The following SMARCAL1 variants were observed in gnomAD, a reference collection of about 807,000 sequenced individuals.
The protein encoded by SMARCAL1 is SNF2 related chromatin remodeling annealing helicase 1.
Under a neutral mutation model 94.5 loss-of-function variants are expected in SMARCAL1, and 58 were observed. The ratio of observed to expected loss-of-function variants is 0.61; its 90% CI spans 0.50 to 0.76. The LOEUF is 0.76. SMARCAL1 is among the 30% of genes least tolerant of loss of function. The pLI is 0.00. For missense variants in SMARCAL1, 1,051 were observed against 1,177.9 expected (o/e 0.89, Z 1.58); for synonymous variants, 422 against 455.1 (o/e 0.93, Z 0.93).
intron 9 of SMARCAL1, among the ~76,000 whole-genome samples, chr2:216,436,952 T>A (rs1434209067): frequency 6.6e-6 from 1 of 152,248 alleles, no homozygotes; most frequent in African/African-American, 2.4e-5. Context: ...GCCTTCAGAA[T>A]TCATGTTCTT....
At position 216,428,750 on chromosome 2, in the gene SMARCAL1, T is replaced by C; in HGVS notation, c.1302T>C (p.Ser434=). The C allele has an allele frequency of 6.2e-7, 1 of 1,614,206 alleles. No individual in the cohort carries two copies. The highest frequency in any genetic ancestry group is 8.5e-7 in the Non-Finnish European group (1 of 1,180,034). The change falls in exon 7 of 18, where the codon TCT becomes TCC. Residue 434 remains serine, a synonymous_variant. Transcript: ENST00000357276. ...CTGAAGTGGACCCCAAGCTCGTGTC[T>C]AATCTGATGCCCTTTCAGAGAGCTG... is the stretch of plus-strand genomic sequence containing the variant. ...DLSEVDPKLV[S]NLMPFQRAGV... is the part of the protein sequence containing the mutation.
intron 13 of SMARCAL1, among the ~76,000 whole-genome samples, chr2:216,465,093 G>A (rs1694804301): frequency 6.6e-6 from 1 of 152,208 alleles, no homozygotes; most frequent in South Asian, 2.1e-4. Flanking sequence ...AGGCTGCAGT[G>A]AGCTAAGGTG....
intron 6 of SMARCAL1, 113 bp downstream of exon 6, chr2:216,423,796 G>C (rs1693774907): frequency 2.1e-6 from 2 of 943,178 alleles, no homozygotes; most frequent in Admixed American, 3.7e-5. Flanking sequence ...GTGGTGGGAT[G>C]CTTGAGTACA....
intron 12 of SMARCAL1, among the ~76,000 whole-genome samples, chr2:216,462,964 G>A (rs141196257): frequency 0.01 from 1,544 of 152,250 alleles, 13 homozygotes; most frequent in Non-Finnish European, 0.015. Context: ...CTGGGTGACA[G>A]AGCATGACCC....
chr2:216,412,858 G>A (rs887860631), intron 1 of SMARCAL1: 1 of 152,500 alleles, frequency 6.6e-6, no homozygotes, highest in Admixed American at 6.5e-5. Flanking sequence ...CCTGCCTAGA[G>A]GGGAAGAGGG....
At chr2:216,446,929 C>A in intron 10 of SMARCAL1, 89 bp from the exon 11 acceptor site, 1 of 1,515,718 alleles carries the variant, frequency 6.6e-7, no homozygotes. Context: ...TTTCTGGGGG[C>A]ATCCAGCTCC....
Position 216,412,543 on chromosome 2 carries a change from T to G in SMARCAL1, c.-201T>G, listed in dbSNP as rs1406707078. 6.6e-6 allele frequency: 1 copy of G among 152,340 alleles called. No homozygotes were observed. The highest frequency in any genetic ancestry group is 1.5e-5 in the Non-Finnish European group (1 of 68,134). The allele number at this position is 152,340 out of a possible 1,614,324, so 9.4% of individuals were successfully genotyped here. ...CGAACTCGCAGCGCTTGAATACCCG[T>G]GGCCTAACCGTCCACTCGGAAGACC... On this transcript the variant is annotated 5_prime_UTR_variant, in exon 1 of 18. Coordinates refer to ENST00000357276, the MANE Select transcript of SMARCAL1 (RefSeq NM_014140.4).
intron 12 of SMARCAL1, among the ~76,000 whole-genome samples, chr2:216,460,164 A>T (rs1328021232): frequency 6.6e-6 from 1 of 152,218 alleles, no homozygotes; most frequent in Non-Finnish European, 1.5e-5. Context: ...TAGAATGGCG[A>T]TCATTAAAAA....
At position 216,450,854 on chromosome 2, in the gene SMARCAL1, G is replaced by C. The variant is rs909012139; in HGVS notation, c.1860G>C (p.Trp620Cys). Reference sequence around the variant, plus strand: ...TGTCTTGTTCTCTGCAGATGCCTTGGGGGTGGGACTACTCAGGTTCCTCCA... The same window carrying C: ...TGTCTTGTTCTCTGCAGATGCCTTGCGGGTGGGACTACTCAGGTTCCTCCA... The part of the protein sequence containing the change: ...LRYCDAKRMP[W>C]GWDYSGSSNL... Residue 620 changes from tryptophan to cysteine, a missense_variant, in exon 12 of 18, where the codon TGG becomes TGC. Physicochemically the swap from Trp to Cys is radical, Grantham distance 215. This residue lies in a region of SMARCAL1 where 642 missense variants were observed against 754.7 expected (regional missense o/e 0.85). Coordinates refer to ENST00000357276, the MANE Select transcript of SMARCAL1 (RefSeq NM_014140.4). 9 of 1,613,570 alleles carry C rather than the reference G, an allele frequency of 5.6e-6. No individual in the cohort carries two copies. In the African/African-American group the frequency reaches 8.0e-5, roughly 14 times the overall value.
chr2:216,469,359 G>A (rs1420830134), intron 14 of SMARCAL1, among the ~76,000 whole-genome samples: 1 of 138,286 alleles, frequency 7.2e-6, no homozygotes, highest in Non-Finnish European at 1.5e-5. Context: ...TTGGCTCACT[G>A]CAAGCTCCAC....
At chr2:216,451,090 T>C in intron 12 of SMARCAL1, 26 bp downstream of exon 12, 1 of 1,587,006 alleles carries the variant, frequency 6.3e-7, no homozygotes, top group Non-Finnish European at 8.7e-7. Flanking sequence ...GAGACAGATT[T>C]GGAAGCAGAC....
At chr2:216,480,538 G>A (rs965275976) in intron 17 of SMARCAL1, among the ~76,000 whole-genome samples, 1 of 152,016 alleles carries the variant, frequency 6.6e-6, no homozygotes, top group African/African-American at 2.4e-5. Flanking sequence ...GGGCATCCTG[G>A]AGGAGGACAT....
rs753415682 is a variant in SMARCAL1 at position 216,414,687 on chromosome 2, A to G, written c.-18A>G. 1.9e-6 allele frequency: 3 copies of G among 1,609,164 alleles called. No individual in the cohort carries two copies. Among genetic ancestry groups the G allele is most frequent in the Non-Finnish European group, 2.6e-6 (3 of 1,175,488 alleles). On this transcript the variant is annotated 5_prime_UTR_variant, in exon 3 of 18. The change creates a new upstream start codon in the 5' untranslated region. Transcript: ENST00000357276. ...CAATTAAAGGTTGACATTCCTGCAT[A>G]AGCATTTCTCTGTGAAAATGTCCTT...
At chr2:216,442,989 T>G (rs761358180) in intron 10 of SMARCAL1, among the ~76,000 whole-genome samples, 8 of 152,192 alleles carry the variant, frequency 5.3e-5, no homozygotes, top group Non-Finnish European at 1.0e-4. Flanking sequence ...GCCATTCTCA[T>G]TTATTTCCTC....
At position 216,432,595 on chromosome 2, in the gene SMARCAL1, G is replaced by C. The variant is rs117749674; in HGVS notation, c.1335-123G>C. On this transcript the variant is annotated intron_variant, in intron 7 of 17. Transcript: ENST00000357276. ...TTTCCTTCTGGGGAGCAAGTCTGGT[G>C]GTGGGCTGGGCCCGGGCTGGCCAGT... The C allele has an allele frequency of 7.6e-4, 854 of 1,124,728 alleles. 15 individuals are homozygous for C. In the East Asian group the frequency reaches 0.018, roughly 23 times the overall value. 69.7% of individuals were successfully genotyped at this position (1,124,728 alleles called of 1,614,324 possible).
At chr2:216,474,207 T>G (rs1277187886) in intron 14 of SMARCAL1, among the ~76,000 whole-genome samples, 1 of 146,656 alleles carries the variant, frequency 6.8e-6, no homozygotes, top group Non-Finnish European at 1.5e-5. Flanking sequence ...TGGTGCCATC[T>G]TGGCTCACTG....
At position 216,435,424 on chromosome 2, in the gene SMARCAL1, C is replaced by A. The variant is rs749951090; in HGVS notation, c.1572C>A (p.Ile524=). 2.5e-6 allele frequency: 4 copies of A among 1,614,088 alleles called. No individual in the cohort carries two copies. In the Admixed American group the frequency reaches 5.0e-5, roughly 20 times the overall value. Residue 524 remains isoleucine (I), a synonymous_variant, in exon 9 of 18, where the codon ATC becomes ATA. Transcript: ENST00000357276. The part of the protein sequence containing the change: ...TGKDRLTAGL[I]NIVSFDLLSK... ...AGGACCGCCTGACAGCTGGCCTGAT[C>A]AACATTGTCAGCTTTGACCTTCTTA...
intron 12 of SMARCAL1, among the ~76,000 whole-genome samples, chr2:216,454,815 A>T (rs1287045002): frequency 6.6e-6 from 1 of 152,208 alleles, no homozygotes; most frequent in East Asian, 1.9e-4. Context: ...CAACTGAGGT[A>T]CTGGGTTCAT....
At position 216,420,370 on chromosome 2, in the gene SMARCAL1, C is replaced by A. The variant is rs1489975642; in HGVS notation, c.934C>A (p.Pro312Thr). The change falls in exon 5 of 18, where the codon CCC becomes ACC. Residue 312 changes from proline to threonine, a missense_variant. Physicochemically the swap from Pro to Thr is conservative, Grantham distance 38 (BLOSUM62 -1). Around this residue, in one of 3 missense-constraint regions of SMARCAL1, gnomAD observed 398 missense variants for 395.2 expected, o/e 1.01. Coordinates refer to ENST00000357276, the MANE Select transcript of SMARCAL1 (RefSeq NM_014140.4). ...LEWAYGSSES[P>T]STSSEGQAGL... is the part of the protein sequence containing the mutation. Reference sequence around the variant, plus strand: ...ATGGGCCTATGGCAGCAGCGAGTCACCCTCCACCAGCAGTGAGGGACAGGC... The same window carrying A: ...ATGGGCCTATGGCAGCAGCGAGTCAACCTCCACCAGCAGTGAGGGACAGGC... The A allele has an allele frequency of 1.2e-6, 2 of 1,614,114 alleles. No homozygotes were observed.
Sources: allele counts gnomAD v4.1 joint callset (sites outside exome capture counted in the v4.1 genomes callset), GRCh38; gene constraint gnomAD v4.1.1; regional missense constraint gnomAD v4.1.1; transcripts MANE v1.5; gene names NCBI Gene and HGNC (gene_info 2026-07-23, HGNC 2026-07-21).